Variants in SEMA5A observed in about 807,000 individuals in gnomAD.
SEMA5A encodes semaphorin-5A.
Under a neutral mutation model 135.5 loss-of-function variants are expected in SEMA5A, and 55 were observed. That is an observed-to-expected ratio of 0.41 (90% CI 0.33 to 0.51). The LOEUF (loss-of-function observed/expected upper bound fraction) is 0.51, where lower values mean the gene tolerates loss of function less well. SEMA5A is among the 20% of genes least tolerant of loss of function. The probability of loss-of-function intolerance (pLI) is 0.37; values close to 1 mark genes in which losing one functional copy is unlikely to be tolerated. For missense variants in SEMA5A, 1,290 were observed against 1,419.9 expected, an observed-to-expected ratio of 0.91 and a Z score of 1.47; for synonymous variants, 580 against 546.5, an observed-to-expected ratio of 1.06 and a Z score of -0.85.
intron 5 of SEMA5A, among the ~76,000 whole-genome samples, chr5:9,254,359 G>A (rs936527848): frequency 2.6e-5 from 4 of 152,260 alleles, no homozygotes; most frequent in East Asian, 1.9e-4. Flanking sequence ...ATTACACAGC[G>A]ATGCCCAGCC....
intron 12 of SEMA5A, among the ~76,000 whole-genome samples, chr5:9,149,198 T>C (rs1742498835): frequency 6.6e-6 from 1 of 152,214 alleles, no homozygotes; most frequent in South Asian, 2.1e-4. Context: ...TTATGGTCTA[T>C]GGCTGCTTTC....
At chr5:9,095,188 T>C in intron 16 of SEMA5A, among the ~76,000 whole-genome samples, 1 of 151,580 alleles carries the variant, frequency 6.6e-6, no homozygotes. Context: ...TAAGTGAGAG[T>C]TGAACAGTGA....
chr5:9,154,511 C>T lies in SEMA5A; in HGVS notation c.1458G>A (p.Arg486=). The change falls in exon 12 of 23, where the codon AGG becomes AGA. Residue 486 remains arginine (R), a synonymous_variant. Coordinates refer to ENST00000382496, the MANE Select transcript of SEMA5A (RefSeq NM_003966.3). Reference sequence around the variant, plus strand: ...ACCTGCGTGTGCGGTAGAACTGGCACCTCTTCAGGGGGATCTTGACCACGT... The same window carrying T: ...ACCTGCGTGTGCGGTAGAACTGGCATCTCTTCAGGGGGATCTTGACCACGT... The part of the protein sequence containing the change: ...REHVVKIPLK[R]CQFYRTRSTC... The T allele has an allele frequency of 6.2e-7, 1 of 1,612,070 alleles. No homozygotes were observed. The highest frequency in any genetic ancestry group is 8.5e-7 in the Non-Finnish European group (1 of 1,179,992).
intron 5 of SEMA5A, among the ~76,000 whole-genome samples, chr5:9,248,620 C>T (rs1482106918): frequency 2.0e-5 from 3 of 150,800 alleles, no homozygotes; most frequent in African/African-American, 4.9e-5. Context: ...GAGATGGAGA[C>T]ATTAATCTAT....
At chr5:9,456,119 T>A (rs1035604922) in intron 1 of SEMA5A, among the ~76,000 whole-genome samples, 1 of 152,246 alleles carries the variant, frequency 6.6e-6, no homozygotes, top group African/African-American at 2.4e-5. Flanking sequence ...GATTGGGGCA[T>A]AAATTCTAAT....
At chr5:9,339,962 G>A (rs1753569993) in intron 3 of SEMA5A, among the ~76,000 whole-genome samples, 1 of 152,158 alleles carries the variant, frequency 6.6e-6, no homozygotes, top group Admixed American at 6.6e-5. Context: ...TAGAGATGAA[G>A]TCAAGGTAAA....
chr5:9,416,958 T>A (rs1757303915), intron 2 of SEMA5A, among the ~76,000 whole-genome samples: 1 of 152,262 alleles, frequency 6.6e-6, no homozygotes, highest in Admixed American at 6.5e-5. Context: ...TTAGGTAGCA[T>A]TATGTTCTGT....
intron 5 of SEMA5A, among the ~76,000 whole-genome samples, chr5:9,297,507 C>A (rs1751399001): frequency 6.6e-6 from 1 of 152,108 alleles, no homozygotes; most frequent in Admixed American, 6.5e-5. Context: ...GTGCCTTGTT[C>A]CTGGACTTTC....
At chr5:9,468,598 C>CTACCTGTAAATTTTATGCATGTAAA (rs71287841) in intron 1 of SEMA5A, among the ~76,000 whole-genome samples, 122,819 of 151,828 alleles carry the variant, frequency 0.81, 49,762 homozygotes, top group Middle Eastern at 0.85. Context: ...GGGGTGTGTC[C>CTACCTGTAAATTTTATGCATGTAAA]TACATTTAAA....
At chr5:9,256,986 G>A (rs1037012064) in intron 5 of SEMA5A, among the ~76,000 whole-genome samples, 2 of 152,198 alleles carry the variant, frequency 1.3e-5, no homozygotes, top group African/African-American at 4.8e-5. Context: ...TCATAAAATT[G>A]TTGTGAGATT....
intron 1 of SEMA5A, among the ~76,000 whole-genome samples, chr5:9,438,877 G>A (rs570774166): frequency 1.1e-4 from 16 of 152,304 alleles, no homozygotes; most frequent in South Asian, 1.0e-3. Flanking sequence ...TGAACTGAAC[G>A]ACAGCAGCTG....
At chr5:9,160,602 C>A (rs1031999221) in intron 11 of SEMA5A, among the ~76,000 whole-genome samples, 1 of 152,110 alleles carries the variant, frequency 6.6e-6, no homozygotes, top group African/African-American at 2.4e-5. Context: ...GAGAACCCTC[C>A]TCGGCACAGA....
At chr5:9,119,184 C>CA (rs753368921) in intron 14 of SEMA5A, 43 bp from the exon 15 acceptor site, 1 of 1,599,250 alleles carries the variant, frequency 6.3e-7, no homozygotes, top group Non-Finnish European at 8.5e-7. Context: ...CCCGCAGGCT[C>CA]AGAGTCCAAG....
At position 9,255,716 on chromosome 5, in the gene SEMA5A, C is replaced by T. The variant is rs1436031719; in HGVS notation, c.271-17826G>A. 5.9e-5 allele frequency among the ~76,000 whole-genome samples: 9 copies of T among 152,270 alleles called. No homozygotes were observed. In the East Asian group the frequency reaches 1.4e-3, roughly 23 times the overall value. ...CCTTCACTTTCCACTCTTCCTTCCT[C>T]CTTGGGTAATATTACCTTGTTTTAT... On this transcript the variant is annotated intron_variant, in intron 5 of 22. Transcript: ENST00000382496.
rs775535375 is a variant in SEMA5A at position 9,054,092 on chromosome 5, C to T, written c.2684G>A (p.Cys895Tyr). ...GTAGGTGAGGTGCCGCTTACCTGGG[C>T]AGGGCTGCGTGTTGCAGAGTGCCTC... ...TEEALCNTQPCPESWSEWSDW... is the reference protein window; with the variant it reads ...TEEALCNTQPYPESWSEWSDW... The change falls in exon 19 of 23, where the codon TGC (cysteine) becomes TAC (tyrosine). Residue 895 changes from cysteine (C) to tyrosine (Y), a missense_variant. Physicochemically the swap from Cys to Tyr is radical, Grantham distance 194. This residue lies in a region of SEMA5A where 1,029 missense variants were observed against 1,086.6 expected (regional missense o/e 0.95). Transcript: ENST00000382496. 6.2e-7 allele frequency: 1 copy of T among 1,607,800 alleles called. No homozygotes were observed.
rs146946579 is a variant in SEMA5A, at chr5:9,147,389, C to T, written c.1481+7099G>A. Among the ~76,000 whole-genome samples the T allele has an allele frequency of 3.4e-4, 52 of 152,202 alleles. No homozygotes were observed. In the Middle Eastern group the frequency reaches 0.014, roughly 40 times the overall value. On this transcript the variant is annotated intron_variant, in intron 12 of 22. Coordinates refer to ENST00000382496, the MANE Select transcript of SEMA5A (RefSeq NM_003966.3). Reference sequence around the variant, plus strand: ...CTGGGTTTAAGCGATTCTCCTGCCTCAGCCTCAGAGTAGCTGGTTTTACAG... The same window carrying T: ...CTGGGTTTAAGCGATTCTCCTGCCTTAGCCTCAGAGTAGCTGGTTTTACAG...
At chr5:9,180,154 T>C (rs1195632267) in intron 11 of SEMA5A, among the ~76,000 whole-genome samples, 1 of 152,196 alleles carries the variant, frequency 6.6e-6, no homozygotes, top group Non-Finnish European at 1.5e-5. Flanking sequence ...AAGGGTCCAC[T>C]GTACTCCAGT....
chr5:9,489,055 G>A (rs1021994220), intron 1 of SEMA5A, among the ~76,000 whole-genome samples: 4 of 152,150 alleles, frequency 2.6e-5, no homozygotes, highest in East Asian at 3.9e-4. Flanking sequence ...TCTGAATAAC[G>A]TGAAATCTTG....
At chr5:9,286,679 C>A (rs952473320) in intron 5 of SEMA5A, among the ~76,000 whole-genome samples, 2 of 151,724 alleles carry the variant, frequency 1.3e-5, no homozygotes, top group Admixed American at 6.6e-5. Context: ...ATCATTCATT[C>A]ATATTTTCAT....
Sources: allele counts gnomAD v4.1 joint callset (sites outside exome capture counted in the v4.1 genomes callset), GRCh38; gene constraint gnomAD v4.1.1; regional missense constraint gnomAD v4.1.1; transcripts MANE v1.5; gene names NCBI Gene and HGNC (gene_info 2026-07-23, HGNC 2026-07-21).